The following PSMB7 variants were observed in gnomAD, a reference collection of about 807,000 sequenced individuals.
PSMB7 encodes the protein proteasome 20S subunit beta 7.
PSMB7 carries 5 observed loss-of-function variants against 28.1 expected under a neutral mutation model. That is an observed-to-expected ratio of 0.18 (90% CI 0.09 to 0.37). The LOEUF (loss-of-function observed/expected upper bound fraction) is 0.37. Ranked by LOEUF, PSMB7 falls within the 10% of genes least tolerant of loss-of-function variation. The probability of loss-of-function intolerance (pLI) is 1.00; values close to 1 mark genes in which losing one functional copy is unlikely to be tolerated. For synonymous variants in PSMB7, 122 were observed against 123.7 expected (o/e 0.99, Z 0.09); for missense variants, 275 against 346.2 (o/e 0.79, Z 1.63).
At chr9:124,388,736 G>A (rs1421589945) in intron 5 of PSMB7, among the ~76,000 whole-genome samples, 4 of 151,890 alleles carry the variant, frequency 2.6e-5, no homozygotes, top group South Asian at 2.1e-4. Flanking sequence ...CCAACACCAC[G>A]CTGCCCATGA....
intron 6 of PSMB7, among the ~76,000 whole-genome samples, chr9:124,378,283 T>C (rs1375810906): frequency 6.6e-6 from 1 of 152,238 alleles, no homozygotes; most frequent in Non-Finnish European, 1.5e-5. Flanking sequence ...GAAAAACAGT[T>C]TCTATTCTTC....
chr9:124,406,485 C>A (rs999112594), intron 4 of PSMB7, among the ~76,000 whole-genome samples: 4 of 109,940 alleles, frequency 3.6e-5, no homozygotes, highest in Admixed American at 1.2e-4. Flanking sequence ...CAGGACAGAG[C>A]AAGAGTTGTC....
chr9:124,398,414 C>A, intron 5 of PSMB7: 1 of 312,750 alleles, frequency 3.2e-6, no homozygotes. Context: ...AGACAAAGCC[C>A]AGGCGAGTAC....
intron 6 of PSMB7, 143 bp from the exon 7 acceptor site, chr9:124,357,058 G>T (rs1037481836): frequency 2.0e-6 from 2 of 982,494 alleles, no homozygotes; most frequent in East Asian, 5.2e-5. Context: ...ATGAGGAAAA[G>T]ATCTCAAAGT....
At chr9:124,375,614 T>C (rs568469782) in intron 6 of PSMB7, among the ~76,000 whole-genome samples, 15 of 152,214 alleles carry the variant, frequency 9.9e-5, no homozygotes, top group Admixed American at 7.8e-4. Context: ...CAAGTTCAGC[T>C]CATTAAGCTG....
chr9:124,382,284 T>C (rs1328288517), intron 6 of PSMB7, among the ~76,000 whole-genome samples: 1 of 126,706 alleles, frequency 7.9e-6, no homozygotes, highest in African/African-American at 2.9e-5. Flanking sequence ...CTCGGCTCAC[T>C]GCAACCTCTG....
At chr9:124,405,276 A>G in intron 5 of PSMB7, 41 bp downstream of exon 5, 1 of 1,361,032 alleles carries the variant, frequency 7.3e-7, no homozygotes, top group South Asian at 1.2e-5. Flanking sequence ...CATCGTGGTA[A>G]GTAAGAGTAC....
intron 6 of PSMB7, among the ~76,000 whole-genome samples, chr9:124,362,680 C>T (rs991768772): frequency 7.0e-6 from 1 of 142,934 alleles, no homozygotes; most frequent in Non-Finnish European, 1.5e-5. Flanking sequence ...TAGTTAATAA[C>T]AATGTATTGT....
intron 5 of PSMB7, among the ~76,000 whole-genome samples, chr9:124,390,419 A>G (rs546680586): frequency 7.4e-5 from 11 of 148,510 alleles, no homozygotes; most frequent in African/African-American, 1.5e-4. Context: ...ATTAAAGGGG[A>G]AAAAAAAAAT....
chr9:124,389,355 C>T (rs948330601), intron 5 of PSMB7, among the ~76,000 whole-genome samples: 1 of 152,156 alleles, frequency 6.6e-6, no homozygotes, highest in South Asian at 2.1e-4. Context: ...GCAACCTTCC[C>T]CAAGCCTGCC....
intron 5 of PSMB7, among the ~76,000 whole-genome samples, chr9:124,395,583 G>A (rs1478687774): frequency 6.6e-6 from 1 of 152,120 alleles, no homozygotes; most frequent in Non-Finnish European, 1.5e-5. Flanking sequence ...CAGCCACACT[G>A]CCTCAAAAAA....
chr9:124,398,843 G>C (rs532622260), intron 5 of PSMB7, among the ~76,000 whole-genome samples: 1 of 152,168 alleles, frequency 6.6e-6, no homozygotes, highest in African/African-American at 2.4e-5. Flanking sequence ...CACTAGGTAA[G>C]TTGCTAAATC....
intron 6 of PSMB7, among the ~76,000 whole-genome samples, chr9:124,358,147 A>C (rs1830432183): frequency 6.6e-6 from 1 of 152,206 alleles, no homozygotes; most frequent in Non-Finnish European, 1.5e-5. Context: ...CCCTTGGAGA[A>C]ACACGGACTC....
chr9:124,396,770 G>C (rs999707298), intron 5 of PSMB7: 1 of 470,882 alleles, frequency 2.1e-6, no homozygotes, highest in Non-Finnish European at 4.4e-6. Flanking sequence ...CTGCTACAAG[G>C]AACACTGCCA....
intron 7 of PSMB7, among the ~76,000 whole-genome samples, chr9:124,355,018 C>T (rs988200088): frequency 8.5e-5 from 13 of 152,266 alleles, no homozygotes; most frequent in African/African-American, 2.4e-4. Context: ...GGCCCACTGG[C>T]GCATGGCACG....
intron 6 of PSMB7, among the ~76,000 whole-genome samples, chr9:124,374,286 G>A (rs982836546): frequency 2.0e-5 from 3 of 152,158 alleles, no homozygotes; most frequent in Non-Finnish European, 2.9e-5. Flanking sequence ...TTTTTTTAAG[G>A]TGCTGGAAAT....
intron 4 of PSMB7, among the ~76,000 whole-genome samples, chr9:124,410,600 G>T (rs1831018901): frequency 6.6e-6 from 1 of 152,190 alleles, no homozygotes; most frequent in Admixed American, 6.5e-5. Context: ...CACTGTACTG[G>T]GAGAATTTGG....
At chr9:124,380,899 T>C (rs1347281876) in intron 6 of PSMB7, among the ~76,000 whole-genome samples, 1 of 152,264 alleles carries the variant, frequency 6.6e-6, no homozygotes, top group Admixed American at 6.5e-5. Context: ...AACGCAGTGA[T>C]AGGCTGGCCC....
At chr9:124,359,792 G>A (rs1015439327) in intron 6 of PSMB7, among the ~76,000 whole-genome samples, 1 of 152,214 alleles carries the variant, frequency 6.6e-6, no homozygotes, top group Non-Finnish European at 1.5e-5. Flanking sequence ...GGAGGGCAGT[G>A]TTTCCCAAAA....
Sources: allele counts gnomAD v4.1 joint callset (sites outside exome capture counted in the v4.1 genomes callset), GRCh38; gene constraint gnomAD v4.1.1; transcripts MANE v1.5; gene names NCBI Gene and HGNC (gene_info 2026-07-23, HGNC 2026-07-21).